The following NCK2 variants were observed in gnomAD, a reference collection of about 807,000 sequenced individuals.
The protein encoded by NCK2 is NCK adaptor protein 2.
Under a neutral mutation model 33.9 loss-of-function variants are expected in NCK2, and 16 were observed. The ratio of observed to expected loss-of-function variants is 0.47; its 90% CI spans 0.32 to 0.72. NCK2 has a LOEUF of 0.72. Among genes scored for constraint, NCK2 ranks in the 30% least tolerant of loss-of-function variants. The probability of loss-of-function intolerance (pLI) is 0.03; values close to 1 mark genes in which losing one functional copy is unlikely to be tolerated. For missense variants in NCK2, 418 were observed against 537.3 expected, an observed-to-expected ratio of 0.78 and a Z score of 2.19; for synonymous variants, 273 against 239.9, an observed-to-expected ratio of 1.14 and a Z score of -1.27.
intron 1 of NCK2, among the ~76,000 whole-genome samples, chr2:105,808,863 G>C (rs1316234738): frequency 6.6e-6 from 1 of 152,318 alleles, no homozygotes; most frequent in Non-Finnish European, 1.5e-5. Context: ...TGATCTGTTG[G>C]TGATAAGCAC....
chr2:105,772,115 G>T (rs569524126), intron 1 of NCK2, among the ~76,000 whole-genome samples: 173 of 150,638 alleles, frequency 1.1e-3, no homozygotes, highest in African/African-American at 4.0e-3. Flanking sequence ...GGCGGAGGGG[G>T]TAGCGTTTGC....
intron 1 of NCK2, among the ~76,000 whole-genome samples, chr2:105,801,438 A>C (rs577325584): frequency 1.4e-5 from 2 of 146,048 alleles, no homozygotes; most frequent in African/African-American, 2.5e-5. Flanking sequence ...TTTTCTCCTC[A>C]CAGTCTATTT....
chr2:105,814,693 A>G (rs34596947), intron 1 of NCK2, among the ~76,000 whole-genome samples: 30,881 of 152,192 alleles, frequency 0.2, 3,841 homozygotes, highest in East Asian at 0.32. Flanking sequence ...GTCGGTTGGG[A>G]AAAACCTTTA....
At chr2:105,829,120 T>C (rs1676066295) in intron 2 of NCK2, among the ~76,000 whole-genome samples, 1 of 152,120 alleles carries the variant, frequency 6.6e-6, no homozygotes, top group African/African-American at 2.4e-5. Flanking sequence ...TTGGCCTGTA[T>C]GCTTTCTTTT....
intron 1 of NCK2, among the ~76,000 whole-genome samples, chr2:105,780,657 C>A (rs1027671198): frequency 2.0e-4 from 30 of 152,236 alleles, no homozygotes; most frequent in African/African-American, 7.2e-4. Context: ...TGAGATCCTA[C>A]CCCCCAAGGT....
intron 4 of NCK2, 82 bp downstream of exon 4, chr2:105,882,131 C>T (rs1347826720): frequency 7.3e-7 from 1 of 1,373,310 alleles, no homozygotes; most frequent in Non-Finnish European, 9.4e-7. Context: ...GCCCTTTTCA[C>T]ATTGTGTGAG....
intron 1 of NCK2, among the ~76,000 whole-genome samples, chr2:105,784,739 T>A (rs539227987): frequency 6.6e-6 from 1 of 152,242 alleles, no homozygotes; most frequent in Admixed American, 6.5e-5. Context: ...AGTGTGTCTG[T>A]TGAGGTCCAT....
intron 1 of NCK2, among the ~76,000 whole-genome samples, chr2:105,807,192 A>G (rs1675078121): frequency 6.6e-6 from 1 of 152,200 alleles, no homozygotes; most frequent in Non-Finnish European, 1.5e-5. Flanking sequence ...CCCTGACCGG[A>G]ACAGCTCACT....
In NCK2 at chr2:105,881,959, C is replaced by A; in HGVS notation, c.858C>A (p.Tyr286Ter). The A allele has an allele frequency of 6.5e-7, 1 of 1,540,156 alleles. No homozygotes were observed. Among genetic ancestry groups the A allele is most frequent in the South Asian group, 1.3e-5 (1 of 78,398 alleles). ...GGCGCTTCGCGGGCAGAGAGTGGTA[C>A]TACGGGAACGTGACGCGGCACCAGG... ...SSGRFAGREW[Y>*]YGNVTRHQAE... is the part of the protein sequence containing the mutation. The change falls in exon 4 of 5, where the codon TAC becomes TAA. Residue 286 changes from tyrosine to a stop codon, truncating the protein, a stop_gained. Coordinates refer to ENST00000233154, the MANE Select transcript of NCK2 (RefSeq NM_003581.5). LOFTEE classifies it high-confidence loss of function.
chr2:105,880,701 C>T (rs1010435886), intron 3 of NCK2, among the ~76,000 whole-genome samples: 3 of 152,124 alleles, frequency 2.0e-5, no homozygotes, highest in African/African-American at 4.8e-5. Flanking sequence ...TTCTGAGAGG[C>T]GCAGGGATGC....
At chr2:105,756,867 C>T (rs569722576) in intron 1 of NCK2, among the ~76,000 whole-genome samples, 3 of 152,294 alleles carry the variant, frequency 2.0e-5, no homozygotes, top group East Asian at 1.9e-4. Context: ...TGCAATGGCA[C>T]GATCTTGGCT....
At chr2:105,760,471 C>T (rs933838641) in intron 1 of NCK2, among the ~76,000 whole-genome samples, 10 of 152,116 alleles carry the variant, frequency 6.6e-5, no homozygotes, top group African/African-American at 1.2e-4. Context: ...CCAGGTGTGC[C>T]GGCCAGGAGT....
intron 2 of NCK2, among the ~76,000 whole-genome samples, chr2:105,853,429 T>C (rs992477831): frequency 3.9e-5 from 6 of 152,238 alleles, no homozygotes; most frequent in African/African-American, 1.4e-4. Context: ...ACTTTTGATG[T>C]TGCACATTTT....
chr2:105,752,760 A>G (rs1442055396), intron 1 of NCK2, among the ~76,000 whole-genome samples: 3 of 152,208 alleles, frequency 2.0e-5, no homozygotes, highest in African/African-American at 7.2e-5. Context: ...TGTTGCTGCA[A>G]AAGATATGAT....
chr2:105,805,252 G>A (rs1256429837), intron 1 of NCK2, among the ~76,000 whole-genome samples: 2 of 152,208 alleles, frequency 1.3e-5, no homozygotes, highest in Non-Finnish European at 2.9e-5. Flanking sequence ...GTGCAAAGAT[G>A]TTCCCAGTAC....
intron 1 of NCK2, among the ~76,000 whole-genome samples, chr2:105,788,901 G>A (rs566137130): frequency 1.5e-3 from 227 of 152,306 alleles, no homozygotes; most frequent in African/African-American, 5.1e-3. Flanking sequence ...TTATCTGCTC[G>A]TTTGGGTTTC....
intron 1 of NCK2, among the ~76,000 whole-genome samples, chr2:105,792,629 C>T (rs148179499): frequency 1.5e-3 from 222 of 152,102 alleles, no homozygotes; most frequent in African/African-American, 4.9e-3. Context: ...CTTCCCCATG[C>T]CAGTTGATTT....
chr2:105,882,038 A>G lies in NCK2; in HGVS notation c.937A>G (p.Ser313Gly), dbSNP rs2104663554. ...GVEGDFLIRD[S>G]ESSPSDFSVS... ...GGAGGGCGACTTCCTCATTAGGGACAGCGAGTCCTCGGTAAGTGCGCTGCG... is the reference window on the plus strand; with the variant it reads ...GGAGGGCGACTTCCTCATTAGGGACGGCGAGTCCTCGGTAAGTGCGCTGCG... The change falls in exon 4 of 5, where the codon AGC becomes GGC. Residue 313 changes from serine (S) to glycine (G), a missense_variant. Coordinates refer to ENST00000233154, the MANE Select transcript of NCK2 (RefSeq NM_003581.5). 6.7e-7 allele frequency: 1 copy of G among 1,499,494 alleles called. No homozygotes were observed. The highest frequency in any genetic ancestry group is 8.9e-7 in the Non-Finnish European group (1 of 1,123,762). The allele number at this position is 1,499,494 out of a possible 1,614,324, so 92.9% of individuals were successfully genotyped here.
At chr2:105,786,411 G>A (rs372486577) in intron 1 of NCK2, among the ~76,000 whole-genome samples, 1 of 152,224 alleles carries the variant, frequency 6.6e-6, no homozygotes, top group Admixed American at 6.5e-5. Context: ...GTTGTCTTGG[G>A]CCTGTCTGGA....
Sources: gnomAD v4.1 joint callset for allele counts (sites outside exome capture counted in the v4.1 genomes callset) on GRCh38, gnomAD v4.1.1 for gene constraint, MANE v1.5 for transcripts, NCBI Gene and HGNC (gene_info 2026-07-23, HGNC 2026-07-21) for gene names.